The following PCDH9 variants were observed in gnomAD, a reference collection of about 807,000 sequenced individuals.
PCDH9 encodes the protein protocadherin-9.
Under a neutral mutation model 70.6 loss-of-function variants are expected in PCDH9, and 24 were observed. That is an observed-to-expected ratio of 0.34 (90% CI 0.25 to 0.48). The LOEUF (loss-of-function observed/expected upper bound fraction) is 0.48. Among genes scored for constraint, PCDH9 ranks in the 20% least tolerant of loss-of-function variants. The pLI is 0.99. For synonymous variants in PCDH9, 562 were observed against 558.5 expected (o/e 1.01, Z -0.09); for missense variants, 1,281 against 1,503.6 (o/e 0.85, Z 2.45).
At chr13:66,550,909 GA>G (rs1961457642) in intron 4 of PCDH9, among the ~76,000 whole-genome samples, 1 of 152,110 alleles carries the variant, frequency 6.6e-6, no homozygotes, top group Admixed American at 6.6e-5. Flanking sequence ...TGATACTCTA[GA>G]CTAATATCCC....
chr13:66,453,217 A>G (rs1387104739), intron 4 of PCDH9, among the ~76,000 whole-genome samples: 1 of 152,190 alleles, frequency 6.6e-6, no homozygotes, highest in South Asian at 2.1e-4. Flanking sequence ...TCCAAGGAGT[A>G]GGTGACATGT....
intron 4 of PCDH9, among the ~76,000 whole-genome samples, chr13:66,535,511 G>C (rs1043524369): frequency 6.6e-6 from 1 of 152,034 alleles, no homozygotes; most frequent in Admixed American, 6.6e-5. Flanking sequence ...CCAGGTGTGA[G>C]AAAAGCAATA....
At chr13:67,003,829 T>C (rs1204220533) in intron 2 of PCDH9, among the ~76,000 whole-genome samples, 2 of 152,192 alleles carry the variant, frequency 1.3e-5, no homozygotes, top group African/African-American at 4.8e-5. Flanking sequence ...TTATTAGAGA[T>C]AGCACAGGAA....
chr13:67,142,002 T>A lies in PCDH9; in HGVS notation c.3036+83403A>T, dbSNP rs374461416. On this transcript the variant is annotated intron_variant, in intron 2 of 4. Coordinates refer to ENST00000377865, the MANE Select transcript of PCDH9 (RefSeq NM_203487.3). The stretch of plus-strand genomic sequence containing the variant: ...AATTTTATATAAAATTATATATGAC[T>A]ACCTAAATACATATTGGGTTAGAAA... Among the ~76,000 whole-genome samples the A allele has an allele frequency of 2.0e-5, 3 of 152,114 alleles. No homozygotes were observed. The South Asian group carries it at 6.3e-4, about 32-fold the overall frequency.
chr13:66,482,009 G>A (rs756542242), intron 4 of PCDH9, among the ~76,000 whole-genome samples: 2 of 151,778 alleles, frequency 1.3e-5, no homozygotes, highest in Non-Finnish European at 2.9e-5. Flanking sequence ...CAAATTCTAA[G>A]TTCTTTAACC....
intron 3 of PCDH9, among the ~76,000 whole-genome samples, chr13:66,853,062 T>C (rs1400529836): frequency 2.0e-5 from 3 of 152,002 alleles, no homozygotes; most frequent in African/African-American, 7.2e-5. Context: ...TGATGTAATC[T>C]GAACATTAGA....
chr13:66,597,088 G>A (rs966458370), intron 4 of PCDH9, among the ~76,000 whole-genome samples: 1 of 151,646 alleles, frequency 6.6e-6, no homozygotes, highest in East Asian at 2.0e-4. Flanking sequence ...ACATTAGTCA[G>A]CTGACCATCT....
chr13:67,228,523 C>G lies in PCDH9; in HGVS notation c.-83G>C. 2.6e-6 allele frequency: 3 copies of G among 1,150,336 alleles called. No homozygotes were observed. Among genetic ancestry groups the G allele is most frequent in the Non-Finnish European group, 3.7e-6 (3 of 817,116 alleles). The allele number at this position is 1,150,336 out of a possible 1,614,324, so 71.3% of individuals were successfully genotyped here. A position where few individuals can be genotyped will look rare whatever the true frequency, so the allele number is the denominator to read the frequency against. ...ATGATGCACAAATTGCAAGAGGAAG[C>G]GTGCATGGACTGGAGGATGCATTAT... On this transcript the variant is annotated 5_prime_UTR_variant, in exon 2 of 5. Coordinates refer to ENST00000377865, the MANE Select transcript of PCDH9 (RefSeq NM_203487.3).
At chr13:66,685,808 C>T (rs951257525) in intron 3 of PCDH9, among the ~76,000 whole-genome samples, 3 of 152,202 alleles carry the variant, frequency 2.0e-5, no homozygotes, top group Non-Finnish European at 4.4e-5. Context: ...TGTTTAATGA[C>T]TGCCCTATTG....
intron 4 of PCDH9, among the ~76,000 whole-genome samples, chr13:66,360,750 G>A (rs1005476359): frequency 6.6e-6 from 1 of 151,892 alleles, no homozygotes; most frequent in Non-Finnish European, 1.5e-5. Flanking sequence ...AAGCAGTGGT[G>A]GATTTCAAGG....
At chr13:66,677,538 A>G (rs1660471724) in intron 3 of PCDH9, among the ~76,000 whole-genome samples, 1 of 152,080 alleles carries the variant, frequency 6.6e-6, no homozygotes, top group African/African-American at 2.4e-5. Context: ...AGGATCCCTC[A>G]TGGCTTGGTG....
chr13:66,863,328 A>G (rs1321423207), intron 3 of PCDH9, among the ~76,000 whole-genome samples: 1 of 152,216 alleles, frequency 6.6e-6, no homozygotes, highest in Non-Finnish European at 1.5e-5. Context: ...TAATTGAGAT[A>G]ATGCATGGAA....
In PCDH9 at chr13:66,675,939, C is replaced by G. The variant is rs529826378; in HGVS notation, c.3139-44528G>C. Among the ~76,000 whole-genome samples, 6 of 152,168 alleles carry G rather than the reference C, an allele frequency of 3.9e-5. No homozygotes were observed. The East Asian group carries it at 1.2e-3, about 29-fold the overall frequency. On this transcript the variant is annotated intron_variant, in intron 3 of 4. Transcript: ENST00000377865. ...AATTATTGTCTCTACTTTTATTATT[C>G]TGGTCTATATTCGTGCATTACACGA...
intron 2 of PCDH9, among the ~76,000 whole-genome samples, chr13:67,138,366 A>T (rs1458280103): frequency 3.3e-5 from 5 of 152,276 alleles, no homozygotes; most frequent in African/African-American, 1.2e-4. Context: ...AGGAAATATT[A>T]AAAATATTAT....
At chr13:66,996,835 T>A (rs780822023) in intron 2 of PCDH9, among the ~76,000 whole-genome samples, 5 of 152,158 alleles carry the variant, frequency 3.3e-5, no homozygotes, top group Non-Finnish European at 5.9e-5. Flanking sequence ...TTACTCCAAA[T>A]GCAAAATTAA....
chr13:66,560,933 C>T (rs180948160), intron 4 of PCDH9, among the ~76,000 whole-genome samples: 48 of 152,342 alleles, frequency 3.2e-4, no homozygotes, highest in African/African-American at 1.1e-3. Flanking sequence ...TCCCTCTCTG[C>T]GCCTCCTCTG....
intron 2 of PCDH9, among the ~76,000 whole-genome samples, chr13:66,910,657 A>G (rs1205500303): frequency 6.6e-6 from 1 of 152,160 alleles, no homozygotes; most frequent in Non-Finnish European, 1.5e-5. Flanking sequence ...TTTGTTTAGA[A>G]ATTCTACTTT....
chr13:67,015,265 A>ATACTTAC (rs1239047345), intron 2 of PCDH9, among the ~76,000 whole-genome samples: 1 of 151,952 alleles, frequency 6.6e-6, no homozygotes, highest in Non-Finnish European at 1.5e-5. Flanking sequence ...GGCTTCTGTG[A>ATACTTAC]CTCTGTAAGC....
intron 3 of PCDH9, among the ~76,000 whole-genome samples, chr13:66,758,241 A>C (rs1389997216): frequency 1.3e-5 from 2 of 152,004 alleles, no homozygotes; most frequent in Non-Finnish European, 2.9e-5. Context: ...TCAATAATAC[A>C]TTATATCATC....
Sources: allele counts gnomAD v4.1 joint callset (sites outside exome capture counted in the v4.1 genomes callset), GRCh38; gene constraint gnomAD v4.1.1; transcripts MANE v1.5; gene names NCBI Gene and HGNC (gene_info 2026-07-23, HGNC 2026-07-21).